The following STPG4 variants were observed in gnomAD, a reference collection of about 807,000 sequenced individuals.
STPG4 encodes the protein sperm-tail PG-rich repeat containing 4.
In STPG4, 41 loss-of-function variants were observed where a neutral mutation model predicts 31.5. The observed-to-expected ratio is 1.30, with a 90% CI of 1.01 to 1.69. The LOEUF (loss-of-function observed/expected upper bound fraction) is 1.69, where lower values mean the gene tolerates loss of function less well. Ranked by LOEUF, STPG4 falls within the 40% of genes most tolerant of loss-of-function variation. STPG4 has a pLI of 0.00. For synonymous variants in STPG4, 141 were observed against 103.0 expected, an observed-to-expected ratio of 1.37 and a Z score of -2.24; for missense variants, 375 against 293.4, an observed-to-expected ratio of 1.28 and a Z score of -2.03.
At chr2:47,117,915 C>CATATAT (rs10563568) in intron 5 of STPG4, among the ~76,000 whole-genome samples, 1 of 94,964 alleles carries the variant, frequency 1.1e-5, no homozygotes, top group African/African-American at 3.9e-5. Flanking sequence ...GATAGTACAA[C>CATATAT]ATATATATAT....
chr2:47,134,745 T>C (rs1362987105), intron 3 of STPG4, among the ~76,000 whole-genome samples: 3 of 152,210 alleles, frequency 2.0e-5, no homozygotes, highest in African/African-American at 7.2e-5. Context: ...CTGGATCTTA[T>C]GTAAGAGTAT....
chr2:47,091,721 G>C (rs2103724600), intron 5 of STPG4, among the ~76,000 whole-genome samples: 1 of 152,196 alleles, frequency 6.6e-6, no homozygotes, highest in East Asian at 1.9e-4. Context: ...ATTCTAAGTT[G>C]TATATGTTTT....
chr2:47,092,521 C>CATGAAAAGAAAA (rs1685588583), intron 5 of STPG4, among the ~76,000 whole-genome samples: 1 of 117,292 alleles, frequency 8.5e-6, no homozygotes, highest in East Asian at 2.9e-4. Flanking sequence ...GAATGAGACC[C>CATGAAAAGAAAA]AAGAAAAGAA....
At chr2:47,155,066 G>A in intron 1 of STPG4, 105 bp downstream of exon 1, 2 of 1,040,554 alleles carry the variant, frequency 1.9e-6, no homozygotes, top group Admixed American at 1.9e-5. Flanking sequence ...TAGGAAGAGG[G>A]AACGAGAGCG....
chr2:47,130,133 C>T, intron 4 of STPG4, 63 bp downstream of exon 4: 1 of 1,520,366 alleles, frequency 6.6e-7, no homozygotes, highest in Non-Finnish European at 9.1e-7. Context: ...GTTTAAAAGC[C>T]AGGAGTATTG....
At chr2:47,091,651 A>G (rs958359104) in intron 5 of STPG4, among the ~76,000 whole-genome samples, 1 of 152,182 alleles carries the variant, frequency 6.6e-6, no homozygotes, top group African/African-American at 2.4e-5. Flanking sequence ...AACCCAAAAC[A>G]CTGGCCTAAA....
intron 3 of STPG4, among the ~76,000 whole-genome samples, chr2:47,132,062 A>G (rs1686496055): frequency 6.6e-6 from 1 of 151,952 alleles, no homozygotes; most frequent in Non-Finnish European, 1.5e-5. Context: ...CTACTTGGGA[A>G]GCTGAGGCAC....
At chr2:47,140,202 G>T (rs1441201729) in intron 3 of STPG4, among the ~76,000 whole-genome samples, 1 of 152,172 alleles carries the variant, frequency 6.6e-6, no homozygotes, top group Non-Finnish European at 1.5e-5. Context: ...GGCACAGGAT[G>T]ACTAAAGCTG....
intron 5 of STPG4, among the ~76,000 whole-genome samples, chr2:47,091,504 C>A (rs1024197947): frequency 2.6e-5 from 4 of 152,072 alleles, no homozygotes; most frequent in Admixed American, 1.3e-4. Context: ...TTTTTCCCCC[C>A]TCCATTTTCA....
intron 5 of STPG4, among the ~76,000 whole-genome samples, chr2:47,121,974 A>G (rs926396633): frequency 1.3e-5 from 2 of 151,920 alleles, no homozygotes; most frequent in Non-Finnish European, 2.9e-5. Context: ...TCTGCCATGT[A>G]AGGTAACATC....
intron 5 of STPG4, among the ~76,000 whole-genome samples, chr2:47,127,450 G>A (rs115546128): frequency 0.027 from 4,103 of 151,848 alleles, 189 homozygotes; most frequent in African/African-American, 0.093. Flanking sequence ...TGTATTTTTA[G>A]TAGAGACAAG....
chr2:47,140,610 G>T (rs1431891446), intron 3 of STPG4, among the ~76,000 whole-genome samples: 3 of 152,166 alleles, frequency 2.0e-5, no homozygotes, highest in Non-Finnish European at 4.4e-5. Context: ...GGGATAGTCT[G>T]CCCTGTGACC....
At chr2:47,148,793 T>C (rs1017057631) in intron 3 of STPG4, among the ~76,000 whole-genome samples, 7 of 152,208 alleles carry the variant, frequency 4.6e-5, no homozygotes, top group African/African-American at 1.4e-4. Flanking sequence ...TGGTTTTTTG[T>C]CCTTGCGATA....
Position 47,090,324 on chromosome 2 carries a change from G to A in STPG4, c.570C>T (p.Ser190=). 6.4e-7 allele frequency: 1 copy of A among 1,552,070 alleles called. No individual in the cohort carries two copies. Residue 190 remains serine, a synonymous_variant, in exon 6 of 7, where the codon AGC becomes AGT. Coordinates refer to ENST00000445927, the MANE Select transcript of STPG4 (RefSeq NM_001163561.2). ...TGGATTGAAAACAAGAAGTGACAGA[G>A]CTTGTTGGAGGCATTTTCACATTAT... is the stretch of plus-strand genomic sequence containing the variant. ...GHYNVKMPPT[S]SVTSCFQSRV... is the part of the protein sequence containing the mutation.
chr2:47,146,001 G>C (rs1686812568), intron 3 of STPG4, among the ~76,000 whole-genome samples: 1 of 152,178 alleles, frequency 6.6e-6, no homozygotes, highest in Admixed American at 6.5e-5. Flanking sequence ...AGATATCTTG[G>C]ATAAGAGTAT....
At chr2:47,141,888 C>T (rs537376741) in intron 3 of STPG4, among the ~76,000 whole-genome samples, 4 of 148,362 alleles carry the variant, frequency 2.7e-5, no homozygotes, top group South Asian at 2.2e-4. Context: ...GTACATTCGG[C>T]GGGAGGATTC....
rs10686388 is a variant in STPG4 at position 47,142,836 on chromosome 2, C to CTTTTT, written c.399+8417_399+8421dup. Among the ~76,000 whole-genome samples, 465 of 73,794 alleles carry CTTTTT rather than the reference C, an allele frequency of 6.3e-3. 9 individuals carry two copies. The highest frequency in any genetic ancestry group is 0.011 in the East Asian group (22 of 2,054). The allele number at this position is 73,794 out of a possible 152,430, so 48.4% of individuals were successfully genotyped here. ...ATCAACACATATAGATTTATCTCATCTTTTTTTTTTTTTTTTTTTTTTTTG... is the reference window on the plus strand; with the variant it reads ...ATCAACACATATAGATTTATCTCATCTTTTTTTTTTTTTTTTTTTTTTTTTTTTTG... On this transcript the variant is annotated intron_variant, in intron 3 of 6. Transcript: ENST00000445927.
At chr2:47,096,669 A>G (rs1414893132) in intron 5 of STPG4, among the ~76,000 whole-genome samples, 1 of 152,196 alleles carries the variant, frequency 6.6e-6, no homozygotes, top group East Asian at 1.9e-4. Flanking sequence ...CATTAAAACC[A>G]AGCTTAAAAA....
Position 47,094,798 on chromosome 2 carries a change from AGCT to A in STPG4, c.520-4427_520-4425del, listed in dbSNP as rs1488660509. Reference sequence around the variant, plus strand: ...GCAAAAGACTCAGACTTTCCTGGAGAGCTCCTAGGTCTCTGTCATACCGCGAAG... The same window carrying A: ...GCAAAAGACTCAGACTTTCCTGGAGACCTAGGTCTCTGTCATACCGCGAAG... On this transcript the variant is annotated intron_variant, in intron 5 of 6. Transcript: ENST00000445927. Among the ~76,000 whole-genome samples, 3 of 152,120 alleles carry A rather than the reference AGCT, an allele frequency of 2.0e-5. No homozygotes were observed. The East Asian group carries it at 5.8e-4, about 29-fold the overall frequency.
Sources: gnomAD v4.1 joint callset for allele counts (sites outside exome capture counted in the v4.1 genomes callset) on GRCh38, gnomAD v4.1.1 for gene constraint, MANE v1.5 for transcripts, NCBI Gene and HGNC (gene_info 2026-07-23, HGNC 2026-07-21) for gene names.